NCALD: variants seen among roughly 807,000 people sequenced by gnomAD.
NCALD encodes neurocalcin-delta.
In NCALD, 10 loss-of-function variants were observed where a neutral mutation model predicts 18.6. That is an observed-to-expected ratio of 0.54 (90% confidence interval 0.33 to 0.91). The LOEUF (loss-of-function observed/expected upper bound fraction) is 0.91. Among genes scored for constraint, NCALD ranks in the 40% least tolerant of loss-of-function variants. The pLI is 0.03. For missense variants in NCALD, 184 were observed against 247.6 expected, an observed-to-expected ratio of 0.74 and a Z score of 1.72; for synonymous variants, 88 against 87.4, an observed-to-expected ratio of 1.01 and a Z score of -0.04.
At chr8:101,836,409 T>G (rs1476356982) in intron 4 of NCALD, among the ~76,000 whole-genome samples, 2 of 152,200 alleles carry the variant, frequency 1.3e-5, no homozygotes, top group African/African-American at 2.4e-5. Context: ...CACTTACCCG[T>G]CCTGGGCCTT....
intron 1 of NCALD, among the ~76,000 whole-genome samples, chr8:102,095,562 G>C (rs774996265): frequency 6.6e-6 from 1 of 152,144 alleles, no homozygotes; most frequent in Non-Finnish European, 1.5e-5. Flanking sequence ...TTGTTAGTGG[G>C]TTCATTAAAA....
intron 4 of NCALD, chr8:101,847,282 G>A (rs549541723): frequency 4.9e-5 from 12 of 242,502 alleles, no homozygotes; most frequent in Admixed American, 1.5e-4. Flanking sequence ...TGCCAATGTC[G>A]TAACAAGGTT....
intron 4 of NCALD, among the ~76,000 whole-genome samples, chr8:101,848,728 T>A (rs1484634096): frequency 1.3e-5 from 2 of 152,178 alleles, no homozygotes; most frequent in Non-Finnish European, 2.9e-5. Flanking sequence ...TTTGCATGTA[T>A]CTAGTAATAA....
intron 2 of NCALD, among the ~76,000 whole-genome samples, chr8:101,923,757 GTGC>G (rs1818246468): frequency 6.6e-6 from 1 of 152,070 alleles, no homozygotes; most frequent in African/African-American, 2.4e-5. Context: ...CTTATATTTA[GTGC>G]TGGGGTTCTA....
intron 1 of NCALD, among the ~76,000 whole-genome samples, chr8:101,764,361 C>A (rs769843116): frequency 6.6e-6 from 1 of 152,190 alleles, no homozygotes; most frequent in Non-Finnish European, 1.5e-5. Context: ...GGGAGTATCA[C>A]AGCAAGGAGG....
intron 1 of NCALD, 119 bp from the exon 2 acceptor site, chr8:101,719,767 T>C (rs1484766825): frequency 1.1e-6 from 1 of 916,278 alleles, no homozygotes; most frequent in South Asian, 2.0e-5. Flanking sequence ...TCTATACGAG[T>C]CCAGTAACAC....
chr8:101,696,494 C>T (rs769536055), intron 2 of NCALD, among the ~76,000 whole-genome samples: 4 of 152,126 alleles, frequency 2.6e-5, no homozygotes, highest in Non-Finnish European at 4.4e-5. Context: ...CAGGGGTGAG[C>T]AAAACACCAT....
intron 1 of NCALD, among the ~76,000 whole-genome samples, chr8:102,089,462 ATCT>A (rs774797909): frequency 3.3e-5 from 5 of 151,968 alleles, no homozygotes; most frequent in East Asian, 1.9e-4. Flanking sequence ...CAACTACTAG[ATCT>A]TCTTCTGTCT....
At chr8:101,702,729 T>C (rs1449166840) in intron 2 of NCALD, among the ~76,000 whole-genome samples, 2 of 152,228 alleles carry the variant, frequency 1.3e-5, no homozygotes, top group Non-Finnish European at 2.9e-5. Flanking sequence ...AGCAAGAGGC[T>C]GCTCCGCAGA....
chr8:101,942,728 C>T (rs1365538321), intron 2 of NCALD, among the ~76,000 whole-genome samples: 1 of 152,094 alleles, frequency 6.6e-6, no homozygotes, highest in East Asian at 1.9e-4. Context: ...TCTTACTACC[C>T]CCATTTTATA....
At chr8:102,048,109 T>C (rs1823311804) in intron 1 of NCALD, among the ~76,000 whole-genome samples, 1 of 152,174 alleles carries the variant, frequency 6.6e-6, no homozygotes, top group African/African-American at 2.4e-5. Flanking sequence ...CATAAAAATA[T>C]AATTAATTAA....
At chr8:101,898,793 T>C (rs1817308422) in intron 3 of NCALD, among the ~76,000 whole-genome samples, 1 of 152,160 alleles carries the variant, frequency 6.6e-6, no homozygotes, top group Admixed American at 6.5e-5. Context: ...GCTATACTAA[T>C]TTTGAAATTA....
At position 101,714,739 on chromosome 8, in the gene NCALD, G is replaced by A. The variant is rs1001019000; in HGVS notation, c.378+4513C>T. Among the ~76,000 whole-genome samples, 33 of 146,502 alleles carry A rather than the reference G, an allele frequency of 2.3e-4. 2 individuals carry two copies. Among genetic ancestry groups the A allele is most frequent in the Middle Eastern group, 3.2e-3 (1 of 312 alleles). On this transcript the variant is annotated intron_variant, in intron 2 of 3. Coordinates refer to ENST00000220931, the MANE Select transcript of NCALD (RefSeq NM_032041.3). ...GGGCCGGGCACGGTGGCTCACGCCT[G>A]TAATCCCAGCACTTTGGGAGGCCGA...
At chr8:101,870,829 G>C (rs1050578571) in intron 4 of NCALD, among the ~76,000 whole-genome samples, 2 of 150,290 alleles carry the variant, frequency 1.3e-5, no homozygotes, top group Admixed American at 6.7e-5. Context: ...GAGGGAATGA[G>C]GAAACAAACA....
At chr8:101,997,812 A>G (rs1349867729) in intron 2 of NCALD, among the ~76,000 whole-genome samples, 11 of 152,170 alleles carry the variant, frequency 7.2e-5, no homozygotes, top group African/African-American at 2.2e-4. Flanking sequence ...GTTTTCCAAT[A>G]ATCTACAGCT....
At chr8:101,747,082 T>C (rs1810456836) in intron 1 of NCALD, among the ~76,000 whole-genome samples, 1 of 152,178 alleles carries the variant, frequency 6.6e-6, no homozygotes, top group South Asian at 2.1e-4. Flanking sequence ...GAAACCCAGT[T>C]TAGACACCTC....
chr8:101,961,696 C>T (rs993908094), intron 2 of NCALD, among the ~76,000 whole-genome samples: 2 of 152,154 alleles, frequency 1.3e-5, no homozygotes, highest in African/African-American at 4.8e-5. Context: ...TCCCAAGTAG[C>T]TGGGATTATA....
intron 3 of NCALD, chr8:101,692,291 G>A (rs1388957585): frequency 6.1e-6 from 6 of 985,340 alleles, no homozygotes; most frequent in Non-Finnish European, 7.2e-6. Context: ...GCACCCCAGT[G>A]ACTATGGGAG....
chr8:102,056,785 A>G (rs938739695), intron 1 of NCALD, among the ~76,000 whole-genome samples: 4 of 152,244 alleles, frequency 2.6e-5, no homozygotes, highest in African/African-American at 9.6e-5. Flanking sequence ...GTAGAGCTGG[A>G]GCACCTCAGT....
Sources: gnomAD v4.1 joint callset for allele counts (sites outside exome capture counted in the v4.1 genomes callset) on GRCh38, gnomAD v4.1.1 for gene constraint, MANE v1.5 for transcripts, NCBI Gene and HGNC (gene_info 2026-07-23, HGNC 2026-07-21) for gene names.